Variants in OSTN observed in about 807,000 individuals in gnomAD.
OSTN encodes osteocrin.
In OSTN, 9 loss-of-function variants were observed where a neutral mutation model predicts 12.0. The ratio of observed to expected loss-of-function variants is 0.75; its 90% CI spans 0.45 to 1.30. The LOEUF (loss-of-function observed/expected upper bound fraction) is 1.30. Among genes scored for constraint, OSTN ranks in the 50% most tolerant of loss-of-function variants. The pLI is 0.00. For synonymous variants in OSTN, 59 were observed against 56.9 expected (o/e 1.04, Z -0.16); for missense variants, 148 against 152.3 (o/e 0.97, Z 0.15).
intron 1 of OSTN, among the ~76,000 whole-genome samples, chr3:191,209,816 A>AT (rs371763098): frequency 3.9e-5 from 6 of 151,912 alleles, no homozygotes; most frequent in Middle Eastern, 3.4e-3. Flanking sequence ...CCAAAGTTTT[A>AT]TTTTTTTTCC....
At chr3:191,252,104 G>A (rs1392330005) in intron 4 of OSTN, among the ~76,000 whole-genome samples, 1 of 152,024 alleles carries the variant, frequency 6.6e-6, no homozygotes, top group Admixed American at 6.6e-5. Context: ...TCTTTTATCA[G>A]GCTGAAGTGC....
chr3:191,243,085 G>A (rs1206081220), intron 3 of OSTN, among the ~76,000 whole-genome samples: 1 of 152,120 alleles, frequency 6.6e-6, no homozygotes, highest in East Asian at 1.9e-4. Flanking sequence ...TTCAGGGAAA[G>A]TAAATTAAAA....
At chr3:191,232,632 C>T (rs1236184820) in intron 3 of OSTN, among the ~76,000 whole-genome samples, 8 of 139,922 alleles carry the variant, frequency 5.7e-5, no homozygotes, top group Non-Finnish European at 1.1e-4. Flanking sequence ...CGCAGTTTTG[C>T]TCTTGTTGCC....
intron 3 of OSTN, among the ~76,000 whole-genome samples, chr3:191,239,336 A>C (rs73199664): frequency 6.6e-6 from 1 of 152,216 alleles, no homozygotes; most frequent in Non-Finnish European, 1.5e-5. Flanking sequence ...ATAAAGTTAC[A>C]AAGTCACATA....
Position 191,264,851 on chromosome 3 carries a change from GA to G in OSTN, c.*1999del. The G allele has an allele frequency of 6.6e-6, 1 of 152,224 alleles. No individual in the cohort carries two copies. The highest frequency in any genetic ancestry group is 1.5e-5 in the Non-Finnish European group (1 of 67,978). The allele number at this position is 152,224 out of a possible 1,614,324, so 9.4% of individuals were successfully genotyped here. A position where few individuals can be genotyped will look rare whatever the true frequency, so the allele number is the denominator to read the frequency against. On this transcript the variant is annotated 3_prime_UTR_variant, in exon 5 of 5. Coordinates refer to ENST00000682035, the MANE Select transcript of OSTN (RefSeq NM_198184.2). ...TATTGGAAGTTGGATTATGCAAATTGATTTCCTCCATTCTTTATTTTTTAAT... is the reference window on the plus strand; with the variant it reads ...TATTGGAAGTTGGATTATGCAAATTGTTTCCTCCATTCTTTATTTTTTAAT...
intron 3 of OSTN, among the ~76,000 whole-genome samples, chr3:191,222,636 A>G (rs1273173847): frequency 1.3e-5 from 2 of 152,196 alleles, no homozygotes; most frequent in Non-Finnish European, 2.9e-5. Flanking sequence ...ATTTTGTGGG[A>G]CTGCTGGGAA....
In OSTN at chr3:191,263,096, T is replaced by G. The variant is rs1253381722; in HGVS notation, c.*243T>G. Reference sequence around the variant, plus strand: ...TATATTTTAATTATTCAAGAATGGTTAACTTCCCCTTAAACCTTACTTTTA... The same window carrying G: ...TATATTTTAATTATTCAAGAATGGTGAACTTCCCCTTAAACCTTACTTTTA... On this transcript the variant is annotated 3_prime_UTR_variant, in exon 5 of 5. Coordinates refer to ENST00000682035, the MANE Select transcript of OSTN (RefSeq NM_198184.2). The G allele has an allele frequency of 6.4e-6, 3 of 471,266 alleles. No homozygotes were observed. In the Admixed American group the frequency reaches 1.1e-4, roughly 18 times the overall value. The allele number at this position is 471,266 out of a possible 1,614,324, so 29.2% of individuals were successfully genotyped here.
chr3:191,203,439 A>G (rs968772374), intron 1 of OSTN, among the ~76,000 whole-genome samples: 1 of 152,244 alleles, frequency 6.6e-6, no homozygotes, highest in Non-Finnish European at 1.5e-5. Context: ...GAAAGAGATT[A>G]GTAGCATTAA....
chr3:191,246,781 T>C (rs1266799811), intron 3 of OSTN, among the ~76,000 whole-genome samples: 2 of 150,164 alleles, frequency 1.3e-5, no homozygotes, highest in East Asian at 3.9e-4. Context: ...GGAGAAGAAC[T>C]AGAGGCCACA....
chr3:191,207,592 CAT>C (rs749494985), intron 1 of OSTN, among the ~76,000 whole-genome samples: 14 of 152,184 alleles, frequency 9.2e-5, no homozygotes, highest in Non-Finnish European at 1.9e-4. Context: ...CCCCAGCCCA[CAT>C]GAGAGACTTT....
intron 4 of OSTN, among the ~76,000 whole-genome samples, chr3:191,258,499 G>A (rs973483803): frequency 6.8e-6 from 1 of 147,786 alleles, no homozygotes; most frequent in African/African-American, 2.6e-5. Context: ...CGGGGCGTAG[G>A]AGGCAAGGGG....
intron 4 of OSTN, among the ~76,000 whole-genome samples, chr3:191,252,479 T>C (rs953737242): frequency 2.0e-5 from 3 of 152,238 alleles, no homozygotes; most frequent in Non-Finnish European, 4.4e-5. Context: ...TCCAAATTTG[T>C]ATGTTGTGTC....
intron 4 of OSTN, among the ~76,000 whole-genome samples, chr3:191,258,028 G>T (rs1028853630): frequency 3.9e-5 from 6 of 152,188 alleles, no homozygotes; most frequent in Non-Finnish European, 7.3e-5. Flanking sequence ...AGTCTAAAAA[G>T]ACAGATTGAA....
intron 4 of OSTN, among the ~76,000 whole-genome samples, chr3:191,260,323 T>G (rs1715778743): frequency 1.9e-5 from 2 of 104,720 alleles, no homozygotes; most frequent in African/African-American, 6.6e-5. Context: ...AAAAGCCTCT[T>G]CCTGTAAAGC....
chr3:191,238,627 C>T (rs1421311201), intron 3 of OSTN, among the ~76,000 whole-genome samples: 1 of 152,180 alleles, frequency 6.6e-6, no homozygotes, highest in Non-Finnish European at 1.5e-5. Flanking sequence ...ACTTAACTTT[C>T]CCTTTGGGGT....
intron 3 of OSTN, among the ~76,000 whole-genome samples, chr3:191,242,943 C>G (rs1186694289): frequency 6.6e-6 from 1 of 151,056 alleles, no homozygotes; most frequent in Non-Finnish European, 1.5e-5. Context: ...TATTCAAAGC[C>G]CTCCTACAGA....
intron 4 of OSTN, among the ~76,000 whole-genome samples, chr3:191,253,542 T>G (rs997744399): frequency 6.6e-6 from 1 of 152,228 alleles, no homozygotes; most frequent in African/African-American, 2.4e-5. Context: ...ACAGAAAGAA[T>G]GCAGACTCAG....
At chr3:191,234,099 C>A (rs1193072563) in intron 3 of OSTN, among the ~76,000 whole-genome samples, 1 of 152,098 alleles carries the variant, frequency 6.6e-6, no homozygotes, top group African/African-American at 2.4e-5. Context: ...AATAATAGTG[C>A]TCTATATTTG....
chr3:191,224,968 A>C lies in OSTN; in HGVS notation c.317+6007A>C, dbSNP rs577342578. Among the ~76,000 whole-genome samples the C allele has an allele frequency of 3.9e-5, 6 of 152,224 alleles. No homozygotes were observed. The South Asian group carries it at 1.2e-3, about 31-fold the overall frequency. Reference sequence around the variant, plus strand: ...CCAACATAAGCAGAAAAAAAGCATAAGGTAAAAATTAACAATGATGAAAGC... The same window carrying C: ...CCAACATAAGCAGAAAAAAAGCATACGGTAAAAATTAACAATGATGAAAGC... On this transcript the variant is annotated intron_variant, in intron 3 of 4. Coordinates refer to ENST00000682035, the MANE Select transcript of OSTN (RefSeq NM_198184.2).
Sources: allele counts gnomAD v4.1 joint callset (sites outside exome capture counted in the v4.1 genomes callset), GRCh38; gene constraint gnomAD v4.1.1; transcripts MANE v1.5; gene names NCBI Gene and HGNC (gene_info 2026-07-23, HGNC 2026-07-21).